Variants in PCSK5 observed in about 807,000 individuals in gnomAD.
PCSK5 encodes the protein prohormone convertase 5.
PCSK5 carries 129 observed loss-of-function variants against 233.2 expected under a neutral mutation model. The ratio of observed to expected loss-of-function variants is 0.55; its 90% CI spans 0.48 to 0.64. The LOEUF (loss-of-function observed/expected upper bound fraction) is 0.64, where lower values mean the gene tolerates loss of function less well. Among genes scored for constraint, PCSK5 ranks in the 30% least tolerant of loss-of-function variants. The pLI, the probability that PCSK5 is intolerant of heterozygous loss-of-function variation, is 0.00. For synonymous variants in PCSK5, 825 were observed against 879.2 expected, an observed-to-expected ratio of 0.94 and a Z score of 1.09; for missense variants, 2,076 against 2,430.1, an observed-to-expected ratio of 0.85 and a Z score of 3.06.
intron 1 of PCSK5, among the ~76,000 whole-genome samples, chr9:75,910,873 C>T (rs187054564): frequency 6.6e-6 from 1 of 152,132 alleles, no homozygotes; most frequent in Non-Finnish European, 1.5e-5. Context: ...ATGTGGGTAT[C>T]GGTTCACTCA....
At chr9:76,192,448 A>G (rs1824442338) in intron 20 of PCSK5, among the ~76,000 whole-genome samples, 1 of 152,316 alleles carries the variant, frequency 6.6e-6, no homozygotes, top group Non-Finnish European at 1.5e-5. Flanking sequence ...TTTACATTTT[A>G]TCATCTCGGA....
intron 9 of PCSK5, among the ~76,000 whole-genome samples, chr9:76,118,954 G>A (rs1246764297): frequency 6.6e-6 from 1 of 151,626 alleles, no homozygotes; most frequent in East Asian, 1.9e-4. Context: ...TGTTCATTTT[G>A]TTGTTCCCCT....
chr9:76,063,330 T>C (rs1013798640), intron 5 of PCSK5, among the ~76,000 whole-genome samples: 6 of 136,118 alleles, frequency 4.4e-5, no homozygotes, highest in South Asian at 2.5e-4. Flanking sequence ...TTTTTTTTTT[T>C]TTTTTTTTTT....
chr9:76,150,857 G>A (rs529093648), intron 10 of PCSK5, among the ~76,000 whole-genome samples: 5 of 152,270 alleles, frequency 3.3e-5, no homozygotes, highest in Admixed American at 3.3e-4. Context: ...AGAGGAAGAA[G>A]TAAGTGTTTC....
chr9:76,001,854 G>T (rs1827276490), intron 3 of PCSK5, among the ~76,000 whole-genome samples: 1 of 152,130 alleles, frequency 6.6e-6, no homozygotes, highest in South Asian at 2.1e-4. Flanking sequence ...AATCAAACCT[G>T]ATTCATTCTG....
chr9:76,184,916 G>C (rs1186945852), intron 17 of PCSK5, among the ~76,000 whole-genome samples, 159 bp downstream of exon 17: 1 of 152,124 alleles, frequency 6.6e-6, no homozygotes, highest in Non-Finnish European at 1.5e-5. Flanking sequence ...CATTATCTCT[G>C]CTATTATATG....
At chr9:76,083,801 A>G (rs1830951303) in intron 7 of PCSK5, among the ~76,000 whole-genome samples, 1 of 152,258 alleles carries the variant, frequency 6.6e-6, no homozygotes, top group African/African-American at 2.4e-5. Flanking sequence ...AAAGACATAC[A>G]TTCACCACGA....
intron 5 of PCSK5, among the ~76,000 whole-genome samples, chr9:76,044,717 T>C (rs1829305659): frequency 2.0e-5 from 3 of 152,208 alleles, no homozygotes; most frequent in Admixed American, 6.5e-5. Flanking sequence ...AAATGAATTA[T>C]TGACATTTTT....
Position 76,310,790 on chromosome 9 carries a change from C to T in PCSK5, c.3823C>T (p.Gln1275Ter). 1 of 1,611,916 alleles carries T rather than the reference C, an allele frequency of 6.2e-7. No homozygotes were observed. Among genetic ancestry groups the T allele is most frequent in the Non-Finnish European group, 8.5e-7 (1 of 1,179,496 alleles). The change falls in exon 30 of 38, where the codon CAG (glutamine) becomes TAG (stop). Residue 1275 changes from glutamine to a stop codon, truncating the protein, a stop_gained. Transcript: ENST00000674117. LOFTEE classifies it high-confidence loss of function. ...TGGAGCCGATCTTTGCAAAAAATGCCAGATGCAGCCGGGCCACCCTCTCTT... is the reference window on the plus strand; with the variant it reads ...TGGAGCCGATCTTTGCAAAAAATGCTAGATGCAGCCGGGCCACCCTCTCTT... Reference protein sequence around the residue: ...CSGADLCKKCQMQPGHPLFLH... With the variant: ...CSGADLCKKC
At chr9:76,040,325 G>GTCTCTCTCTCTCTCTCTCTCTCTC (rs757550088) in intron 5 of PCSK5, among the ~76,000 whole-genome samples, 7 of 79,048 alleles carry the variant, frequency 8.9e-5, no homozygotes, top group Admixed American at 1.7e-4. Flanking sequence ...TGTGTTCTCT[G>GTCTCTCTCTCTCTCTCTCTCTCTC]TCTCTCTCTC....
chr9:76,174,002 A>G (rs1373381826), intron 13 of PCSK5, among the ~76,000 whole-genome samples: 1 of 151,970 alleles, frequency 6.6e-6, no homozygotes, highest in Non-Finnish European at 1.5e-5. Context: ...TTGCACATAG[A>G]CCCATAGAAC....
In PCSK5 at chr9:76,358,773, G is replaced by A; in HGVS notation, c.5515G>A (p.Asp1839Asn). Residue 1839 changes from aspartate to asparagine, a missense_variant, in exon 38 of 38, where the codon GAT becomes AAT. By Grantham distance (23) the Asp-to-Asn change is conservative. This residue lies in a region of PCSK5 where 1,510 missense variants were observed against 1,538.1 expected (regional missense o/e 0.98). Transcript: ENST00000674117. ...FEEDQVIEYRDRDYDEDDDDD... is the reference protein window; with the variant it reads ...FEEDQVIEYRNRDYDEDDDDD... ...AGAGGATCAGGTGATTGAGTACAGGGATCGGGACTATGATGAGGATGATGA... is the reference window on the plus strand; with the variant it reads ...AGAGGATCAGGTGATTGAGTACAGGAATCGGGACTATGATGAGGATGATGA... The A allele has an allele frequency of 6.2e-7, 1 of 1,612,928 alleles. No homozygotes were observed. Among genetic ancestry groups the A allele is most frequent in the African/African-American group, 1.3e-5 (1 of 75,052 alleles).
At chr9:76,279,133 A>G (rs1206081608) in intron 24 of PCSK5, among the ~76,000 whole-genome samples, 2 of 138,462 alleles carry the variant, frequency 1.4e-5, no homozygotes, top group East Asian at 4.3e-4. Context: ...TCATTGTTCA[A>G]TTCCCACCTA....
intron 24 of PCSK5, among the ~76,000 whole-genome samples, chr9:76,276,612 C>G (rs1827695136): frequency 1.3e-5 from 2 of 152,168 alleles, no homozygotes; most frequent in South Asian, 4.1e-4. Flanking sequence ...CTCAGAACCT[C>G]CCATGCTAGC....
chr9:76,337,977 C>T (rs1829726520), intron 34 of PCSK5, among the ~76,000 whole-genome samples: 1 of 152,110 alleles, frequency 6.6e-6, no homozygotes, highest in African/African-American at 2.4e-5. Context: ...GTTATAAGCA[C>T]TAGGTCTTTT....
At chr9:76,229,793 G>A (rs1306777090) in intron 21 of PCSK5, among the ~76,000 whole-genome samples, 1 of 152,220 alleles carries the variant, frequency 6.6e-6, no homozygotes, top group Non-Finnish European at 1.5e-5. Context: ...CTCAGCGCCA[G>A]TGTTAAGATC....
At chr9:76,165,041 A>G (rs1823034579) in intron 12 of PCSK5, among the ~76,000 whole-genome samples, 1 of 152,148 alleles carries the variant, frequency 6.6e-6, no homozygotes, top group South Asian at 2.1e-4. Context: ...ATTAGGAAAG[A>G]GAGAAAAAGC....
chr9:76,307,079 C>T (rs2377531), intron 28 of PCSK5, among the ~76,000 whole-genome samples: 17,554 of 53,986 alleles, frequency 0.33, 3,915 homozygotes, highest in East Asian at 0.79. Flanking sequence ...AAGCACTTGA[C>T]ACGTATTATC....
intron 24 of PCSK5, among the ~76,000 whole-genome samples, chr9:76,248,256 T>C (rs953938246): frequency 1.3e-5 from 2 of 152,140 alleles, no homozygotes; most frequent in Admixed American, 6.6e-5. Context: ...TAGTTATGAT[T>C]TGAACCAGAT....
Sources: allele counts gnomAD v4.1 joint callset (sites outside exome capture counted in the v4.1 genomes callset), GRCh38; gene constraint gnomAD v4.1.1; regional missense constraint gnomAD v4.1.1; transcripts MANE v1.5; gene names NCBI Gene and HGNC (gene_info 2026-07-23, HGNC 2026-07-21).